The following VIPR2 variants were observed in gnomAD, a reference collection of about 807,000 sequenced individuals.
VIPR2 encodes the protein vasoactive intestinal peptide receptor 2.
In VIPR2, 48 loss-of-function variants were observed where a neutral mutation model predicts 58.0. That is an observed-to-expected ratio of 0.83 (90% confidence interval 0.66 to 1.05). The LOEUF (loss-of-function observed/expected upper bound fraction) is 1.05. Among genes scored for constraint, VIPR2 ranks in the 50% least tolerant of loss-of-function variants. The pLI is 0.00. For synonymous variants in VIPR2, 243 were observed against 235.2 expected, an observed-to-expected ratio of 1.03 and a Z score of -0.30; for missense variants, 534 against 558.0, an observed-to-expected ratio of 0.96 and a Z score of 0.43.
rs1853824824 is a variant in VIPR2 at position 159,034,795 on chromosome 7, T to C, written c.810-145A>G. On this transcript the variant is annotated intron_variant, in intron 8 of 12. Coordinates refer to ENST00000262178, the MANE Select transcript of VIPR2 (RefSeq NM_003382.5). ...TCTGCACTGACAGATCGTAAAGGAA[T>C]CTGTCCCAGGGAGTGATTGTGTTTT... 4.3e-6 allele frequency: 3 copies of C among 696,476 alleles called. No individual in the cohort carries two copies. The South Asian group carries it at 4.8e-5, about 11-fold the overall frequency. 43.1% of individuals were successfully genotyped at this position (696,476 alleles called of 1,614,324 possible). A position where few individuals can be genotyped will look rare whatever the true frequency, so the allele number is the denominator to read the frequency against.
chr7:159,063,868 G>GA (rs1247144737), intron 4 of VIPR2, among the ~76,000 whole-genome samples: 1 of 73,656 alleles, frequency 1.4e-5, no homozygotes, highest in African/African-American at 6.1e-5. Flanking sequence ...GGTTCCGGGG[G>GA]TCCTGGTGGG....
intron 4 of VIPR2, among the ~76,000 whole-genome samples, chr7:159,101,617 T>C (rs535063772): frequency 4.2e-5 from 6 of 144,306 alleles, no homozygotes; most frequent in African/African-American, 7.8e-5. Context: ...GTTCCTGTGG[T>C]AGTGAACGGG....
intron 3 of VIPR2, 58 bp from the exon 4 acceptor site, chr7:159,103,912 G>T: frequency 6.8e-7 from 1 of 1,470,972 alleles, no homozygotes. Flanking sequence ...GCCTTAGAAG[G>T]GACCTTAGTC....
intron 2 of VIPR2, among the ~76,000 whole-genome samples, chr7:159,130,074 C>G (rs1796836308): frequency 6.6e-6 from 1 of 152,264 alleles, no homozygotes; most frequent in Admixed American, 6.5e-5. Context: ...TCAAATTGGC[C>G]TCTGTCCTCC....
intron 2 of VIPR2, among the ~76,000 whole-genome samples, chr7:159,117,679 A>G (rs3793233): frequency 0.14 from 21,338 of 152,110 alleles, 1,991 homozygotes; most frequent in African/African-American, 0.27. Flanking sequence ...CCTACCCCAC[A>G]TGCAACTCCA....
In VIPR2 at chr7:159,048,630, GACA is replaced by G. The variant is rs554426381; in HGVS notation, c.456-5457_456-5455del. Among the ~76,000 whole-genome samples, 240 of 152,312 alleles carry G rather than the reference GACA, an allele frequency of 1.6e-3. 1 individual carries two copies. The highest frequency in any genetic ancestry group is 5.3e-3 in the African/African-American group (221 of 41,560). On this transcript the variant is annotated intron_variant, in intron 5 of 12. Coordinates refer to ENST00000262178, the MANE Select transcript of VIPR2 (RefSeq NM_003382.5). ...CATATTGAAGTAGTATTTTGGATCT[GACA>G]ACTTTAATGTATTATTAATTTCACT...
At chr7:159,032,111 AC>A (rs778279771) in intron 10 of VIPR2, 44 bp from the exon 11 acceptor site, 2 of 1,610,182 alleles carry the variant, frequency 1.2e-6, no homozygotes, top group East Asian at 2.2e-5. Flanking sequence ...GGACCCTCGG[AC>A]CCTCTGCAAG....
In VIPR2 at chr7:159,126,633, T is replaced by TTAGCTGCA. The variant is rs961463579; in HGVS notation, c.151+15805_151+15812dup. Reference sequence around the variant, plus strand: ...AGACGGCCACATGCTGGGAAGGGCCTTAGCTGCAGCCGAGAGCTGAGGGAC... The same window carrying TTAGCTGCA: ...AGACGGCCACATGCTGGGAAGGGCCTTAGCTGCATAGCTGCAGCCGAGAGCTGAGGGAC... On this transcript the variant is annotated intron_variant, in intron 2 of 12. Transcript: ENST00000262178. Among the ~76,000 whole-genome samples, 10 of 152,240 alleles carry TTAGCTGCA rather than the reference T, an allele frequency of 6.6e-5. 1 individual carries two copies. Among genetic ancestry groups the TTAGCTGCA allele is most frequent in the Admixed American group, 5.9e-4 (9 of 15,300 alleles).
At chr7:159,055,313 G>A (rs561619523) in intron 5 of VIPR2, among the ~76,000 whole-genome samples, 4 of 152,320 alleles carry the variant, frequency 2.6e-5, no homozygotes, top group Admixed American at 2.6e-4. Context: ...GAGAGGTGGG[G>A]TAGACACCGG....
chr7:159,113,221 CCT>C (rs781439974), intron 2 of VIPR2, among the ~76,000 whole-genome samples: 6 of 152,168 alleles, frequency 3.9e-5, no homozygotes, highest in Non-Finnish European at 5.9e-5. Flanking sequence ...AAATTTGACC[CCT>C]GACCTAGCAA....
chr7:159,045,729 G>A (rs1010205511), intron 5 of VIPR2, among the ~76,000 whole-genome samples: 1 of 152,110 alleles, frequency 6.6e-6, no homozygotes, highest in Non-Finnish European at 1.5e-5. Context: ...ATGTTCTTAT[G>A]TATGATACCA....
chr7:159,108,349 C>G (rs1376453885), intron 3 of VIPR2, among the ~76,000 whole-genome samples: 1 of 152,216 alleles, frequency 6.6e-6, no homozygotes, highest in Non-Finnish European at 1.5e-5. Flanking sequence ...GACCATCTGT[C>G]CACAGTTTGT....
At chr7:159,044,155 C>T (rs1402416540) in intron 5 of VIPR2, among the ~76,000 whole-genome samples, 1 of 151,998 alleles carries the variant, frequency 6.6e-6, no homozygotes, top group Non-Finnish European at 1.5e-5. Context: ...TTAGAGGGCA[C>T]TTTTTCTTTT....
intron 10 of VIPR2, among the ~76,000 whole-genome samples, chr7:159,033,519 G>A (rs537675242): frequency 4.8e-4 from 73 of 152,282 alleles, no homozygotes; most frequent in African/African-American, 1.5e-3. Context: ...ATAAATTTAT[G>A]GAGTCTTTGC....
At chr7:159,077,976 T>G (rs1444822124) in intron 4 of VIPR2, among the ~76,000 whole-genome samples, 1 of 152,224 alleles carries the variant, frequency 6.6e-6, no homozygotes, top group Non-Finnish European at 1.5e-5. Context: ...GAAATAAAAC[T>G]GCCCTTTCCC....
At position 159,030,530 on chromosome 7, in the gene VIPR2, C is replaced by A; in HGVS notation, c.*86G>T. 1 of 1,445,142 alleles carries A rather than the reference C, an allele frequency of 6.9e-7. No homozygotes were observed. Among genetic ancestry groups the A allele is most frequent in the Non-Finnish European group, 9.2e-7 (1 of 1,092,852 alleles). The allele number at this position is 1,445,142 out of a possible 1,614,324, so 89.5% of individuals were successfully genotyped here. Reference sequence around the variant, plus strand: ...TGACCTGCCCGACACGGTGCTCGGGCATCTGGAAGGAGGAAGCCGGCGTCT... The same window carrying A: ...TGACCTGCCCGACACGGTGCTCGGGAATCTGGAAGGAGGAAGCCGGCGTCT... On this transcript the variant is annotated 3_prime_UTR_variant, in exon 13 of 13. Transcript: ENST00000262178.
intron 4 of VIPR2, among the ~76,000 whole-genome samples, chr7:159,070,710 T>C (rs1042873950): frequency 4.6e-5 from 7 of 152,204 alleles, no homozygotes. Flanking sequence ...TGAATTAAAA[T>C]TTGTGTTTGT....
rs1422693443 is a variant in VIPR2, at chr7:159,034,240, A to G, written c.944T>C (p.Val315Ala). Residue 315 changes from valine to alanine, a missense_variant, in exon 10 of 13, where the codon GTC becomes GCC. Around this residue, in one of 3 missense-constraint regions of VIPR2, gnomAD observed 306 missense variants for 285.8 expected, o/e 1.07. Coordinates refer to ENST00000262178, the MANE Select transcript of VIPR2 (RefSeq NM_003382.5). Reference sequence around the variant, plus strand: ...GTACTGAGACTGGTCGTTGCCGCCGACATCTGGGGATGTTAACTTCTGCAG... The same window carrying G: ...GTACTGAGACTGGTCGTTGCCGCCGGCATCTGGGGATGTTAACTTCTGCAG... ...ILLQKLTSPD[V>A]GGNDQSQYKR... The G allele has an allele frequency of 6.2e-7, 1 of 1,614,110 alleles. No homozygotes were observed. The highest frequency in any genetic ancestry group is 8.5e-7 in the Non-Finnish European group (1 of 1,180,028).
intron 4 of VIPR2, among the ~76,000 whole-genome samples, chr7:159,071,972 C>A (rs1270811509): frequency 7.1e-6 from 1 of 140,702 alleles, no homozygotes; most frequent in Non-Finnish European, 1.5e-5. Context: ...AGGCTGGGAA[C>A]CCTGCAGCAC....
Sources: allele counts gnomAD v4.1 joint callset (sites outside exome capture counted in the v4.1 genomes callset), GRCh38; gene constraint gnomAD v4.1.1; regional missense constraint gnomAD v4.1.1; transcripts MANE v1.5; gene names NCBI Gene and HGNC (gene_info 2026-07-23, HGNC 2026-07-21).